Variants in ADGB observed in about 807,000 individuals in gnomAD.
ADGB encodes calpain-7-like protein.
In ADGB, 172 loss-of-function variants were observed where a neutral mutation model predicts 210.5. The observed-to-expected ratio is 0.82, with a 90% CI of 0.72 to 0.93. The LOEUF (loss-of-function observed/expected upper bound fraction) is 0.93, where lower values mean the gene tolerates loss of function less well. ADGB is among the 40% of genes least tolerant of loss of function. The pLI is 0.00. For missense variants in ADGB, 2,025 were observed against 1,964.8 expected, an observed-to-expected ratio of 1.03 and a Z score of -0.58; for synonymous variants, 658 against 662.7, an observed-to-expected ratio of 0.99 and a Z score of 0.11.
chr6:146,736,614 T>G, intron 23 of ADGB, 23 bp downstream of exon 23: 1 of 1,475,792 alleles, frequency 6.8e-7, no homozygotes, highest in Non-Finnish European at 9.2e-7. Context: ...AATGATATTT[T>G]TATTGCAGTA....
intron 29 of ADGB, among the ~76,000 whole-genome samples, chr6:146,778,318 A>T (rs140507128): frequency 1.3e-5 from 2 of 152,250 alleles, no homozygotes; most frequent in African/African-American, 4.8e-5. Context: ...GAGGAGACTG[A>T]AAAGAAGCAG....
intron 35 of ADGB, chr6:146,803,192 C>G: frequency 6.6e-7 from 1 of 1,506,462 alleles, no homozygotes; most frequent in Admixed American, 1.7e-5. Flanking sequence ...TTCTCCTTCT[C>G]CAGAAACTTA....
rs546888687 is a variant in ADGB, at chr6:146,663,467, T to C, written c.613-734T>C. Among the ~76,000 whole-genome samples the C allele has an allele frequency of 4.6e-5, 7 of 151,980 alleles. No homozygotes were observed. The South Asian group carries it at 1.5e-3, about 31-fold the overall frequency. ...GAAAAACTTTGGTTTCTTCAACTTC[T>C]TAAAAGGGCACAAATCCCATTCATG... On this transcript the variant is annotated intron_variant, in intron 5 of 35. Transcript: ENST00000397944.
chr6:146,605,294 T>C, intron 1 of ADGB, among the ~76,000 whole-genome samples: 1 of 152,118 alleles, frequency 6.6e-6, no homozygotes, highest in East Asian at 1.9e-4. Flanking sequence ...TTAAAAGCGA[T>C]GTGAGTGTGC....
chr6:146,813,794 G>A (rs117502656), intron 35 of ADGB, among the ~76,000 whole-genome samples: 1 of 152,296 alleles, frequency 6.6e-6, no homozygotes, highest in East Asian at 1.9e-4. Flanking sequence ...AGTAAATGCA[G>A]CAGATAGTAT....
rs145348376 is a variant in ADGB, at chr6:146,795,501, A to AGG, written c.4538-5681_4538-5680insGG. 3.7e-3 allele frequency among the ~76,000 whole-genome samples: 569 copies of AGG among 152,324 alleles called. 5 individuals carry two copies. The highest frequency in any genetic ancestry group is 0.013 in the African/African-American group (549 of 41,576). ...TAAAAAGTTGGAAAAGGACATGAACAGACATATTTCTAAAGAAGACATACA... is the reference window on the plus strand; with the variant it reads ...TAAAAAGTTGGAAAAGGACATGAACAGGGACATATTTCTAAAGAAGACATACA... On this transcript the variant is annotated intron_variant, in intron 33 of 35. Transcript: ENST00000397944.
chr6:146,691,849 GT>G (rs1776334551), intron 11 of ADGB, among the ~76,000 whole-genome samples: 1 of 151,662 alleles, frequency 6.6e-6, no homozygotes, highest in Admixed American at 6.6e-5. Flanking sequence ...AAACTTCCCA[GT>G]TTTTTGTGTT....
At position 146,800,028 on chromosome 6, in the gene ADGB, T is replaced by TA. The variant is rs575758666; in HGVS notation, c.4538-1155_4538-1154insA. The stretch of plus-strand genomic sequence containing the variant: ...TTTCACCATCTTGGTCGGGCTGGTC[T>TA]TGAACTCCTGACCTCGTGATCCACC... On this transcript the variant is annotated intron_variant, in intron 33 of 35. Coordinates refer to ENST00000397944, the MANE Select transcript of ADGB (RefSeq NM_024694.4). 1.7e-4 allele frequency among the ~76,000 whole-genome samples: 26 copies of TA among 152,268 alleles called. No homozygotes were observed. The South Asian group carries it at 5.2e-3, about 30-fold the overall frequency.
intron 7 of ADGB, among the ~76,000 whole-genome samples, chr6:146,670,819 A>T (rs926814117): frequency 7.1e-4 from 108 of 152,172 alleles, no homozygotes; most frequent in African/African-American, 2.3e-3. Flanking sequence ...ATGAGAATTA[A>T]AAAAAAAATT....
rs528272507 is a variant in ADGB at position 146,634,145 on chromosome 6, T to C, written c.75-1230T>C. On this transcript the variant is annotated intron_variant, in intron 1 of 35. Transcript: ENST00000397944. ...ACCATTGTGTTACAGTTGCCTGCAA[T>C]ATTCAGGACAGTAACAGCTGTACAG... 1.2e-4 allele frequency among the ~76,000 whole-genome samples: 18 copies of C among 152,246 alleles called. No individual in the cohort carries two copies. The South Asian group carries it at 3.1e-3, about 26-fold the overall frequency.
intron 1 of ADGB, among the ~76,000 whole-genome samples, chr6:146,633,026 T>C (rs2095519897): frequency 6.6e-6 from 1 of 152,102 alleles, no homozygotes. Context: ...TCCAATTTTT[T>C]CTCCCAAACT....
chr6:146,745,553 T>C (rs1394886404), intron 25 of ADGB, among the ~76,000 whole-genome samples: 1 of 152,230 alleles, frequency 6.6e-6, no homozygotes, highest in Non-Finnish European at 1.5e-5. Flanking sequence ...AGATCTGGGT[T>C]ACAGGAAAAT....
At chr6:146,718,943 CA>C (rs1776775418) in intron 16 of ADGB, among the ~76,000 whole-genome samples, 1 of 152,092 alleles carries the variant, frequency 6.6e-6, no homozygotes, top group African/African-American at 2.4e-5. Flanking sequence ...AGAGATAACA[CA>C]ACAATTAATT....
Position 146,775,751 on chromosome 6 carries a change from A to C in ADGB, c.3863-6269A>C, listed in dbSNP as rs371618481. The stretch of plus-strand genomic sequence containing the variant: ...TATACTGTTGTTCTTTATTTGGCAC[A>C]ATGCATGGTGTAGCCAATTCAAGGT... On this transcript the variant is annotated intron_variant, in intron 29 of 35. Transcript: ENST00000397944. Among the ~76,000 whole-genome samples the C allele has an allele frequency of 3.2e-3, 491 of 152,128 alleles. 3 individuals carry two copies. The highest frequency in any genetic ancestry group is 0.011 in the African/African-American group (469 of 41,526).
intron 1 of ADGB, among the ~76,000 whole-genome samples, chr6:146,622,202 A>T (rs1403922698): frequency 6.6e-6 from 1 of 152,084 alleles, no homozygotes; most frequent in Non-Finnish European, 1.5e-5. Context: ...GCTGTAAAAC[A>T]TTACCAGGAA....
intron 35 of ADGB, among the ~76,000 whole-genome samples, chr6:146,808,871 G>T (rs1205265308): frequency 4.0e-5 from 6 of 151,412 alleles, no homozygotes; most frequent in Admixed American, 2.0e-4. Flanking sequence ...GGTCGTGGGG[G>T]TGACAAAGTC....
intron 1 of ADGB, among the ~76,000 whole-genome samples, chr6:146,606,144 G>T (rs536009196): frequency 6.6e-6 from 1 of 152,090 alleles, no homozygotes; most frequent in Admixed American, 6.6e-5. Flanking sequence ...GTATTTCACT[G>T]TGGTTTTGAT....
chr6:146,652,390 T>C (rs1220995496), intron 3 of ADGB, among the ~76,000 whole-genome samples: 1 of 152,182 alleles, frequency 6.6e-6, no homozygotes, highest in African/African-American at 2.4e-5. Flanking sequence ...TTCAAGCCTT[T>C]AAGGTAGTTT....
intron 3 of ADGB, among the ~76,000 whole-genome samples, chr6:146,649,222 G>A (rs1436975248): frequency 6.9e-6 from 1 of 144,380 alleles, no homozygotes; most frequent in Admixed American, 7.1e-5. Flanking sequence ...ACCTAAATAA[G>A]AATCTCAAAG....
Sources: allele counts gnomAD v4.1 joint callset (sites outside exome capture counted in the v4.1 genomes callset), GRCh38; gene constraint gnomAD v4.1.1; transcripts MANE v1.5; gene names NCBI Gene and HGNC (gene_info 2026-07-23, HGNC 2026-07-21).